The following HTR2A variants were observed in gnomAD, a reference collection of about 807,000 sequenced individuals.
HTR2A encodes 5-HT2 receptor.
A neutral mutation model predicts 31.0 loss-of-function variants in HTR2A; 14 were observed. The observed-to-expected ratio is 0.45, with a 90% CI of 0.30 to 0.71. The LOEUF is 0.71. Ranked by LOEUF, HTR2A falls within the 30% of genes least tolerant of loss-of-function variation. The probability of loss-of-function intolerance (pLI) is 0.09; values close to 1 mark genes in which losing one functional copy is unlikely to be tolerated. For missense variants in HTR2A, 442 were observed against 573.3 expected (o/e 0.77, Z 2.34); for synonymous variants, 209 against 225.2 (o/e 0.93, Z 0.64).
chr13:46,895,911 A>G lies in HTR2A; in HGVS notation c.-5T>C, dbSNP rs1951100015. 6.2e-7 allele frequency: 1 copy of G among 1,602,062 alleles called. No homozygotes were observed. The highest frequency in any genetic ancestry group is 8.5e-7 in the Non-Finnish European group (1 of 1,174,036). On this transcript the variant is annotated 5_prime_UTR_variant, in exon 2 of 4. Transcript: ENST00000542664. The surrounding 1 kb of genome is among the most constrained non-coding windows in gnomAD (Gnocchi z 4.4). Reference sequence around the variant, plus strand: ...TTCTTCACAAAGAATATCCATGTCTAAGCCAGAACTTGTAGCAGATGAGGT... The same window carrying G: ...TTCTTCACAAAGAATATCCATGTCTGAGCCAGAACTTGTAGCAGATGAGGT...
At chr13:46,896,483 G>C (rs1951106156) in intron 1 of HTR2A, among the ~76,000 whole-genome samples, 191 bp downstream of exon 1, 1 of 152,202 alleles carries the variant, frequency 6.6e-6, no homozygotes, top group Non-Finnish European at 1.5e-5. Context: ...TGCCACAGCT[G>C]CTGTCAGGAA....
chr13:46,870,170 T>TG (rs1246213500), intron 3 of HTR2A, among the ~76,000 whole-genome samples: 18 of 152,258 alleles, frequency 1.2e-4, no homozygotes, highest in African/African-American at 4.1e-4. Flanking sequence ...AAGAAATTAT[T>TG]GGGGTCTAAG....
chr13:46,894,008 G>C (rs1306549967), intron 2 of HTR2A, among the ~76,000 whole-genome samples: 2 of 152,246 alleles, frequency 1.3e-5, no homozygotes, highest in Non-Finnish European at 2.9e-5. Flanking sequence ...AGCGCCTTAT[G>C]GGGGAAGCCA....
chr13:46,889,204 C>A (rs894035543), intron 3 of HTR2A, among the ~76,000 whole-genome samples: 4 of 151,804 alleles, frequency 2.6e-5, no homozygotes, highest in Non-Finnish European at 5.9e-5. Context: ...CGTAGCTATA[C>A]TAAGATCAAA....
At chr13:46,863,657 A>AAAAATG (rs768058932) in intron 3 of HTR2A, among the ~76,000 whole-genome samples, 1 of 118,256 alleles carries the variant, frequency 8.5e-6, no homozygotes, top group East Asian at 2.5e-4. Flanking sequence ...AAAGAAAAAA[A>AAAAATG]AAAAAGACAG....
At chr13:46,842,039 T>C (rs1593426267) in intron 3 of HTR2A, among the ~76,000 whole-genome samples, 1 of 152,192 alleles carries the variant, frequency 6.6e-6, no homozygotes, top group East Asian at 1.9e-4. Context: ...CATTCTACAT[T>C]GTAGGCATCG....
At chr13:46,837,991 T>C (rs964564476) in intron 3 of HTR2A, among the ~76,000 whole-genome samples, 8 of 152,224 alleles carry the variant, frequency 5.3e-5, no homozygotes, top group Non-Finnish European at 1.2e-4. Flanking sequence ...CCTGGCCCAT[T>C]GTTTGCAACA....
At chr13:46,872,513 A>C (rs1339711038) in intron 3 of HTR2A, among the ~76,000 whole-genome samples, 1 of 152,142 alleles carries the variant, frequency 6.6e-6, no homozygotes, top group Non-Finnish European at 1.5e-5. Context: ...ATACTATTTT[A>C]TTATATAGAT....
At chr13:46,880,667 C>T (rs907594077) in intron 3 of HTR2A, among the ~76,000 whole-genome samples, 30 of 151,940 alleles carry the variant, frequency 2.0e-4, no homozygotes, top group Non-Finnish European at 1.9e-4. Flanking sequence ...GGTGAAACCC[C>T]GTCTCCAATA....
At chr13:46,862,675 C>T (rs939736677) in intron 3 of HTR2A, among the ~76,000 whole-genome samples, 1 of 152,162 alleles carries the variant, frequency 6.6e-6, no homozygotes, top group African/African-American at 2.4e-5. Context: ...CAACTTATAA[C>T]TTATGTTGGG....
intron 3 of HTR2A, among the ~76,000 whole-genome samples, chr13:46,888,662 G>T (rs1170528073): frequency 1.3e-5 from 2 of 152,156 alleles, no homozygotes; most frequent in African/African-American, 4.8e-5. Context: ...AGCAACAGGG[G>T]TTAATATGTG....
At chr13:46,876,435 A>C (rs1950913489) in intron 3 of HTR2A, among the ~76,000 whole-genome samples, 1 of 111,492 alleles carries the variant, frequency 9.0e-6, no homozygotes, top group African/African-American at 3.4e-5. Context: ...TTTGAGACAG[A>C]GTCTTGCTCT....
At chr13:46,865,612 C>T (rs1162735251) in intron 3 of HTR2A, among the ~76,000 whole-genome samples, 1 of 152,144 alleles carries the variant, frequency 6.6e-6, no homozygotes, top group African/African-American at 2.4e-5. Context: ...TATCTACTGC[C>T]CAATGTACTA....
rs1412932551 is a variant in HTR2A at position 46,895,188 on chromosome 13, T to C, written c.412+307A>G. 1 of 274,280 alleles carries C rather than the reference T, an allele frequency of 3.6e-6. No individual in the cohort carries two copies. Among genetic ancestry groups the C allele is most frequent in the Non-Finnish European group, 6.9e-6 (1 of 144,610 alleles). The allele number at this position is 274,280 out of a possible 1,614,324, so 17.0% of individuals were successfully genotyped here. The stretch of plus-strand genomic sequence containing the variant: ...ATTGGTTTATGACTGTATGGGGTAA[T>C]TTATAAAAATTTCTACATTAAATGT... On this transcript the variant is annotated intron_variant, in intron 2 of 3. Transcript: ENST00000542664. The surrounding 1 kb of genome is among the most constrained non-coding windows in gnomAD (Gnocchi z 4.4).
At chr13:46,851,380 G>A (rs560299306) in intron 3 of HTR2A, among the ~76,000 whole-genome samples, 11 of 152,274 alleles carry the variant, frequency 7.2e-5, no homozygotes, top group African/African-American at 2.6e-4. Flanking sequence ...TGTATATTCT[G>A]GTTCAAACAT....
chr13:46,843,658 G>C (rs1420542347), intron 3 of HTR2A, among the ~76,000 whole-genome samples: 1 of 152,134 alleles, frequency 6.6e-6, no homozygotes, highest in East Asian at 1.9e-4. Context: ...AGCACCATGG[G>C]GAAGGGGCAA....
chr13:46,878,367 C>A (rs145783437), intron 3 of HTR2A, among the ~76,000 whole-genome samples: 99 of 152,238 alleles, frequency 6.5e-4, no homozygotes, highest in African/African-American at 2.1e-3. Flanking sequence ...CTAAGACAGC[C>A]TTCAGGAGAA....
chr13:46,880,163 C>T (rs1415588250), intron 3 of HTR2A, among the ~76,000 whole-genome samples: 2 of 152,182 alleles, frequency 1.3e-5, no homozygotes, highest in African/African-American at 2.4e-5. Context: ...ACTGTAAAGG[C>T]TGGTTTGTCA....
chr13:46,835,704 A>G, intron 3 of HTR2A, 65 bp from the exon 4 acceptor site: 1 of 1,165,946 alleles, frequency 8.6e-7, no homozygotes, highest in Non-Finnish European at 1.2e-6. Context: ...CAAGAGCATC[A>G]TCACATAATA....
Sources: allele counts gnomAD v4.1 joint callset (sites outside exome capture counted in the v4.1 genomes callset), GRCh38; gene constraint gnomAD v4.1.1; non-coding constraint Gnocchi (gnomAD v3.1); transcripts MANE v1.5; gene names NCBI Gene and HGNC (gene_info 2026-07-23, HGNC 2026-07-21).